Variants in TDP1 observed in about 807,000 individuals in gnomAD.
The protein encoded by TDP1 is tyrosyl-DNA phosphodiesterase 1, also known as tyr-DNA phosphodiesterase 1.
A neutral mutation model predicts 81.5 loss-of-function variants in TDP1; 64 were observed. The observed-to-expected ratio is 0.79, with a 90% CI of 0.64 to 0.97. The LOEUF (loss-of-function observed/expected upper bound fraction) is 0.97. Ranked by LOEUF, TDP1 falls within the 50% of genes least tolerant of loss-of-function variation. The pLI is 0.00. For missense variants in TDP1, 723 were observed against 743.8 expected (o/e 0.97, Z 0.33); for synonymous variants, 256 against 264.3 (o/e 0.97, Z 0.30).
chr14:89,970,092 G>A (rs1893439138), intron 5 of TDP1, among the ~76,000 whole-genome samples: 1 of 151,722 alleles, frequency 6.6e-6, no homozygotes, highest in South Asian at 2.1e-4. Flanking sequence ...TAGCCGGGAT[G>A]GTCTCGATCT....
intron 15 of TDP1, among the ~76,000 whole-genome samples, chr14:90,024,518 A>G (rs1483380197): frequency 1.3e-5 from 2 of 152,198 alleles, no homozygotes; most frequent in Non-Finnish European, 2.9e-5. Context: ...AAGTTGATCC[A>G]TACCGAACAA....
intron 11 of TDP1, 102 bp downstream of exon 11, chr14:89,989,192 ATTCT>A (rs1895904637): frequency 1.4e-5 from 10 of 714,464 alleles, no homozygotes; most frequent in African/African-American, 2.4e-5. Context: ...TTATTCTGTG[ATTCT>A]TTTTTTTTTT....
intron 16 of TDP1, among the ~76,000 whole-genome samples, chr14:90,041,650 A>G (rs936000980): frequency 5.3e-5 from 8 of 152,222 alleles, no homozygotes; most frequent in South Asian, 2.1e-4. Context: ...TTGGTGGTCC[A>G]TGCCAGACCC....
intron 14 of TDP1, among the ~76,000 whole-genome samples, chr14:90,006,213 G>A (rs1328841096): frequency 1.3e-5 from 2 of 152,076 alleles, no homozygotes; most frequent in African/African-American, 2.4e-5. Flanking sequence ...ATCTTCTTTA[G>A]TGTTTTGCTC....
At chr14:90,039,510 G>T (rs1413766587) in intron 16 of TDP1, among the ~76,000 whole-genome samples, 1 of 152,064 alleles carries the variant, frequency 6.6e-6, no homozygotes, top group Non-Finnish European at 1.5e-5. Flanking sequence ...ATCAGGTTTC[G>T]CATAGAGATG....
At chr14:89,958,797 C>G (rs1490454843) in intron 2 of TDP1, among the ~76,000 whole-genome samples, 1 of 152,214 alleles carries the variant, frequency 6.6e-6, no homozygotes, top group East Asian at 1.9e-4. Flanking sequence ...GGCCCTGCCC[C>G]TATCTGCCTA....
intron 14 of TDP1, among the ~76,000 whole-genome samples, chr14:90,014,412 C>T (rs1015097264): frequency 3.3e-5 from 5 of 152,222 alleles, no homozygotes; most frequent in African/African-American, 1.2e-4. Context: ...TTGTGGCACA[C>T]ACACTGCCGT....
chr14:89,982,190 C>T lies in TDP1; in HGVS notation c.884+1558C>T, dbSNP rs73326405. 6.0e-3 allele frequency among the ~76,000 whole-genome samples: 908 copies of T among 152,202 alleles called. 6 individuals are homozygous for T. The highest frequency in any genetic ancestry group is 0.021 in the African/African-American group (871 of 41,524). On this transcript the variant is annotated intron_variant, in intron 8 of 16. Transcript: ENST00000335725. ...GACCCCTAGCTGTAATTCCTGGTCG[C>T]TTTTCTATAAACATGTTATAATTTT...
chr14:90,017,513 G>A (rs1326362391), intron 14 of TDP1, among the ~76,000 whole-genome samples: 2 of 152,160 alleles, frequency 1.3e-5, no homozygotes, highest in African/African-American at 2.4e-5. Context: ...CTGTCCTTGT[G>A]ATCTCTGTTG....
chr14:90,007,457 C>T (rs1290310952), intron 14 of TDP1, among the ~76,000 whole-genome samples: 1 of 151,990 alleles, frequency 6.6e-6, no homozygotes, highest in Non-Finnish European at 1.5e-5. Context: ...GGCATGGTAG[C>T]TCACACCTGT....
At chr14:90,001,831 A>G (rs1897212161) in intron 14 of TDP1, among the ~76,000 whole-genome samples, 1 of 151,446 alleles carries the variant, frequency 6.6e-6, no homozygotes, top group Admixed American at 6.6e-5. Flanking sequence ...TCCTTTTTTC[A>G]TCTTCCCAGT....
At chr14:90,007,719 CCTCAGCCTCCCAA>C (rs1279862356) in intron 14 of TDP1, among the ~76,000 whole-genome samples, 2 of 152,112 alleles carry the variant, frequency 1.3e-5, no homozygotes, top group African/African-American at 4.8e-5. Context: ...CATCCTTCCA[CCTCAGCCTCCCAA>C]GTAGCTGGGA....
intron 15 of TDP1, among the ~76,000 whole-genome samples, chr14:90,029,974 A>G (rs948140891): frequency 6.6e-6 from 1 of 152,218 alleles, no homozygotes; most frequent in African/African-American, 2.4e-5. Context: ...AATAACTTAA[A>G]TATCCTCACA....
At chr14:90,028,365 A>G (rs535121880) in intron 15 of TDP1, among the ~76,000 whole-genome samples, 3 of 152,326 alleles carry the variant, frequency 2.0e-5, no homozygotes, top group Non-Finnish European at 4.4e-5. Context: ...CATAAATTAC[A>G]TCTCTAACTG....
chr14:89,998,406 A>ATGTATGTATGTATG (rs1411470388), intron 14 of TDP1, among the ~76,000 whole-genome samples: 3 of 107,632 alleles, frequency 2.8e-5, no homozygotes, highest in Admixed American at 9.6e-5. Flanking sequence ...ATATATATAT[A>ATGTATGTATGTATG]TATATATATA....
intron 14 of TDP1, among the ~76,000 whole-genome samples, chr14:90,014,614 A>G (rs1261056710): frequency 6.6e-6 from 1 of 152,148 alleles, no homozygotes; most frequent in African/African-American, 2.4e-5. Flanking sequence ...CAGTCTGTAC[A>G]TTGTCTCATT....
chr14:89,966,676 G>A (rs1471146586), intron 4 of TDP1, among the ~76,000 whole-genome samples: 2 of 152,194 alleles, frequency 1.3e-5, no homozygotes, highest in Admixed American at 1.3e-4. Context: ...CAAGTAAGTG[G>A]TCCAAAGGGC....
intron 5 of TDP1, chr14:89,970,776 A>G: frequency 2.2e-6 from 2 of 918,038 alleles, no homozygotes; most frequent in Non-Finnish European, 2.6e-6. Flanking sequence ...GTGATAAGGA[A>G]GCTAGCATTC....
intron 7 of TDP1, among the ~76,000 whole-genome samples, chr14:89,976,989 A>G (rs1266232156): frequency 6.6e-6 from 1 of 152,094 alleles, no homozygotes; most frequent in Non-Finnish European, 1.5e-5. Flanking sequence ...CCCCATCTCT[A>G]CTAAAAATAT....
Sources: allele counts gnomAD v4.1 joint callset (sites outside exome capture counted in the v4.1 genomes callset), GRCh38; gene constraint gnomAD v4.1.1; transcripts MANE v1.5; gene names NCBI Gene and HGNC (gene_info 2026-07-23, HGNC 2026-07-21).